RUFY4: variants seen among roughly 807,000 people sequenced by gnomAD.
RUFY4 encodes RUN and FYVE domain containing 4.
Under a neutral mutation model 69.0 loss-of-function variants are expected in RUFY4, and 73 were observed. That is an observed-to-expected ratio of 1.06 (90% CI 0.88 to 1.29). The LOEUF (loss-of-function observed/expected upper bound fraction) is 1.29. Among genes scored for constraint, RUFY4 ranks in the 50% most tolerant of loss-of-function variants. RUFY4 has a pLI of 0.00. For missense variants in RUFY4, 770 were observed against 705.6 expected (o/e 1.09, Z -1.03); for synonymous variants, 287 against 271.8 (o/e 1.06, Z -0.55).
rs746777319 is a variant in RUFY4 at position 218,073,512 on chromosome 2, C to G, written c.530+126C>G. The G allele has an allele frequency of 4.6e-6, 6 of 1,317,794 alleles. No individual in the cohort carries two copies. The Admixed American group carries it at 1.1e-4, about 24-fold the overall frequency. The allele number at this position is 1,317,794 out of a possible 1,614,324, so 81.6% of individuals were successfully genotyped here. On this transcript the variant is annotated intron_variant, in intron 5 of 10. Coordinates refer to ENST00000344321, the Ensembl canonical transcript of RUFY4. ...TGTCTCTGCCTCCTTTTGCTCCATGCCTTTGGATTCTTCTAGCCCTCGATG... is the reference window on the plus strand; with the variant it reads ...TGTCTCTGCCTCCTTTTGCTCCATGGCTTTGGATTCTTCTAGCCCTCGATG...
At chr2:218,083,163 A>G in exon 9 of RUFY4, 1 of 1,613,664 alleles carries the variant, frequency 6.2e-7, no homozygotes, top group Non-Finnish European at 8.5e-7. Context: ...AAGCAACAGG[A>G]GGCTGAGAGG....
intron 6 of RUFY4, 89 bp downstream of exon 8, chr2:218,073,974 A>C (rs747542413): frequency 7.8e-7 from 1 of 1,288,468 alleles, no homozygotes; most frequent in African/African-American, 1.5e-5. Context: ...TCCCCCTCCG[A>C]GTGTACAGAG....
chr2:218,072,580 C>T lies in RUFY4; in HGVS notation c.279+81C>T, dbSNP rs1559432347. The T allele has an allele frequency of 5.3e-5, 79 of 1,498,928 alleles. No individual in the cohort carries two copies. In the South Asian group the frequency reaches 8.2e-4, roughly 16 times the overall value. 92.9% of individuals were successfully genotyped at this position (1,498,928 alleles called of 1,614,324 possible). A position where few individuals can be genotyped will look rare whatever the true frequency, so the allele number is the denominator to read the frequency against. ...CTCCTTTTCCCCCACCCTGCTCTAC[C>T]GACCATAGACCCCTCACCTGCTCTG... On this transcript the variant is annotated intron_variant, in intron 3 of 10. Coordinates refer to ENST00000344321, the Ensembl canonical transcript of RUFY4.
chr2:218,076,349 T>A, intron 7 of RUFY4, 78 bp from the exon 10 acceptor site: 1 of 1,502,916 alleles, frequency 6.7e-7, no homozygotes, highest in Non-Finnish European at 8.9e-7. Context: ...CTCTCGGGAA[T>A]GTTGTTCAGG....
upstream of RUFY4, among the ~76,000 whole-genome samples, chr2:218,068,108 AGCAGGGGACTGGAGGAGG>A (rs561325038): frequency 0.063 from 8,173 of 130,530 alleles, 143 homozygotes; most frequent in South Asian, 0.1. Context: ...GCTGGAGGAC[AGCAGGGGACTGGAGGAGG>A]GCAGGGGACT....
At chr2:218,052,096 T>C (rs1317246787) in intron 2 of RUFY4, among the ~76,000 whole-genome samples, 3 of 152,222 alleles carry the variant, frequency 2.0e-5, no homozygotes, top group African/African-American at 7.2e-5. Flanking sequence ...TTACAGGTCA[T>C]ACGTCACTGC....
intron 9 of RUFY4, among the ~76,000 whole-genome samples, chr2:218,087,621 G>A (rs1026062324): frequency 1.3e-5 from 2 of 152,174 alleles, no homozygotes; most frequent in African/African-American, 4.8e-5. Flanking sequence ...CTGAGTTCAG[G>A]AGTTTGAGAC....
In RUFY4 at chr2:218,074,167, G is replaced by A. The variant is rs189133254; in HGVS notation, c.600+282G>A. Among the ~76,000 whole-genome samples, 24 of 152,224 alleles carry A rather than the reference G, an allele frequency of 1.6e-4. No individual in the cohort carries two copies. The East Asian group carries it at 4.4e-3, about 28-fold the overall frequency. On this transcript the variant is annotated intron_variant, in intron 6 of 10. Transcript: ENST00000344321. Reference sequence around the variant, plus strand: ...ACAAGGAGAAAGTGCTATGAGGGGCGGGCCACTGAAAGCTTCAGGAAACAG... The same window carrying A: ...ACAAGGAGAAAGTGCTATGAGGGGCAGGCCACTGAAAGCTTCAGGAAACAG...
intron 9 of RUFY4, among the ~76,000 whole-genome samples, chr2:218,083,846 C>A (rs1265798428): frequency 3.3e-5 from 5 of 150,812 alleles, no homozygotes; most frequent in Admixed American, 6.6e-5. Flanking sequence ...CCCACCCCCA[C>A]ATACACACAC....
chr2:218,065,540 G>A (rs550543663), upstream of RUFY4: 34 of 152,488 alleles, frequency 2.2e-4, 1 homozygote, highest in African/African-American at 8.2e-4. Context: ...GAATGAGGTG[G>A]GTGTCTGGGA....
At chr2:218,068,873 T>G (rs921678633), upstream of RUFY4, 1 of 152,310 alleles carries the variant, frequency 6.6e-6, no homozygotes, top group African/African-American at 2.4e-5. Flanking sequence ...CGCCCTGCCC[T>G]CCCCACTCTG....
At chr2:218,067,924 C>T (rs1689382268), upstream of RUFY4, among the ~76,000 whole-genome samples, 1 of 152,152 alleles carries the variant, frequency 6.6e-6, no homozygotes, top group African/African-American at 2.4e-5. Flanking sequence ...CAAGGAGACC[C>T]ACCAACAGGG....
intron 9 of RUFY4, among the ~76,000 whole-genome samples, chr2:218,085,007 C>T (rs1471321203): frequency 6.6e-6 from 1 of 152,178 alleles, no homozygotes; most frequent in East Asian, 1.9e-4. Flanking sequence ...AAGATCGTGC[C>T]ACTGCACTCC....
chr2:218,069,730 T>G (rs1050907539), upstream of RUFY4, among the ~76,000 whole-genome samples: 1 of 152,020 alleles, frequency 6.6e-6, no homozygotes, highest in Admixed American at 6.6e-5. Context: ...GCTGTACCAC[T>G]GCCACCCCAC....
chr2:218,061,682 C>G (rs552290524), intron 3 of RUFY4, among the ~76,000 whole-genome samples: 1 of 152,324 alleles, frequency 6.6e-6, no homozygotes, highest in African/African-American at 2.4e-5. Flanking sequence ...TTGCATTTCC[C>G]ATGACATCAC....
chr2:218,041,619 A>G (rs1462139134), intron 2 of RUFY4, among the ~76,000 whole-genome samples: 3 of 152,174 alleles, frequency 2.0e-5, no homozygotes, highest in Non-Finnish European at 2.9e-5. Context: ...GGTTACAATT[A>G]TACAGCTGCT....
intron 2 of RUFY4, chr2:218,058,539 C>T (rs1359034006): frequency 6.6e-6 from 1 of 152,182 alleles, no homozygotes; most frequent in African/African-American, 2.4e-5. Flanking sequence ...TGTACTGAGT[C>T]AGCATGATAA....
chr2:218,071,412 T>G (rs943759398), intron 2 of RUFY4, among the ~76,000 whole-genome samples: 6 of 152,182 alleles, frequency 3.9e-5, no homozygotes, highest in African/African-American at 1.4e-4. Flanking sequence ...GTCATGCTCC[T>G]GCCTCGGGGC....
At chr2:218,038,731 G>A (rs1228933400) in intron 2 of RUFY4, among the ~76,000 whole-genome samples, 2 of 152,184 alleles carry the variant, frequency 1.3e-5, no homozygotes, top group African/African-American at 4.8e-5. Flanking sequence ...ATGTTGGTTG[G>A]GGGCTCAGTA....
Sources: gnomAD v4.1 joint callset for allele counts (sites outside exome capture counted in the v4.1 genomes callset) on GRCh38, gnomAD v4.1.1 for gene constraint, MANE v1.5 for transcripts, NCBI Gene and HGNC (gene_info 2026-07-23, HGNC 2026-07-21) for gene names.